NXPH2: variants seen among roughly 807,000 people sequenced by gnomAD.
NXPH2 encodes the protein neurexophilin 2, also known as neurexophilin-2.
Under a neutral mutation model 19.8 loss-of-function variants are expected in NXPH2, and 5 were observed. That is an observed-to-expected ratio of 0.25 (90% confidence interval 0.13 to 0.53). NXPH2 has a LOEUF of 0.53. NXPH2 is among the 20% of genes least tolerant of loss of function. The pLI, the probability that NXPH2 is intolerant of heterozygous loss-of-function variation, is 0.96. For missense variants in NXPH2, 289 were observed against 322.8 expected, an observed-to-expected ratio of 0.90 and a Z score of 0.80; for synonymous variants, 154 against 127.4, an observed-to-expected ratio of 1.21 and a Z score of -1.41.
chr2:138,752,671 CT>C (rs1681844277), intron 1 of NXPH2, among the ~76,000 whole-genome samples: 1 of 152,102 alleles, frequency 6.6e-6, no homozygotes, highest in South Asian at 2.1e-4. Flanking sequence ...TCCTAAGGTC[CT>C]TTTCCTGTTC....
At chr2:138,704,974 G>A (rs1275871945) in intron 1 of NXPH2, among the ~76,000 whole-genome samples, 2 of 152,008 alleles carry the variant, frequency 1.3e-5, no homozygotes, top group African/African-American at 2.4e-5. Context: ...ACAGGTGTCC[G>A]CCACTATGCC....
intron 1 of NXPH2, among the ~76,000 whole-genome samples, chr2:138,765,554 T>C (rs1279261619): frequency 6.6e-6 from 1 of 152,174 alleles, no homozygotes; most frequent in African/African-American, 2.4e-5. Flanking sequence ...TAGAATAAAA[T>C]GATTCATGCC....
chr2:138,684,003 C>T (rs1211986457), intron 1 of NXPH2, among the ~76,000 whole-genome samples: 2 of 152,148 alleles, frequency 1.3e-5, no homozygotes. Flanking sequence ...TATCTATCAA[C>T]TGAAAATATA....
At chr2:138,700,871 A>G (rs1181372226) in intron 1 of NXPH2, among the ~76,000 whole-genome samples, 1 of 152,104 alleles carries the variant, frequency 6.6e-6, no homozygotes, top group Non-Finnish European at 1.5e-5. Flanking sequence ...TGGCGCTGAT[A>G]TCTTCTAACT....
At chr2:138,688,137 C>A (rs1441830673) in intron 1 of NXPH2, among the ~76,000 whole-genome samples, 1 of 152,088 alleles carries the variant, frequency 6.6e-6, no homozygotes, top group Non-Finnish European at 1.5e-5. Context: ...GGCAGTATGG[C>A]CATTTTCACG....
chr2:138,760,039 T>A (rs892904882), intron 1 of NXPH2, among the ~76,000 whole-genome samples: 3 of 152,170 alleles, frequency 2.0e-5, no homozygotes, highest in Admixed American at 2.0e-4. Flanking sequence ...GCCACCCTTT[T>A]TCTATAAAGT....
At chr2:138,744,128 T>G (rs897679842) in intron 1 of NXPH2, among the ~76,000 whole-genome samples, 15 of 152,060 alleles carry the variant, frequency 9.9e-5, no homozygotes, top group Non-Finnish European at 1.8e-4. Flanking sequence ...TCATTATTAG[T>G]AGAGGGGTGA....
chr2:138,719,685 G>A (rs1573965716), intron 1 of NXPH2, among the ~76,000 whole-genome samples: 1 of 151,980 alleles, frequency 6.6e-6, no homozygotes, highest in East Asian at 1.9e-4. Context: ...CTGGAGACTG[G>A]GTAACATGGC....
intron 1 of NXPH2, among the ~76,000 whole-genome samples, chr2:138,722,439 T>C (rs1176906959): frequency 6.6e-6 from 1 of 152,188 alleles, no homozygotes; most frequent in East Asian, 1.9e-4. Context: ...CAGGGCAGCG[T>C]GAAGACTCAC....
intron 1 of NXPH2, among the ~76,000 whole-genome samples, chr2:138,687,577 G>T (rs1180852019): frequency 6.6e-6 from 1 of 152,062 alleles, no homozygotes; most frequent in Admixed American, 6.6e-5. Flanking sequence ...TGTCAATTTT[G>T]GCTTTTGTTT....
At chr2:138,757,355 C>T (rs1681927829) in intron 1 of NXPH2, among the ~76,000 whole-genome samples, 1 of 152,180 alleles carries the variant, frequency 6.6e-6, no homozygotes, top group Non-Finnish European at 1.5e-5. Context: ...CGATCTGCTG[C>T]ATGAACATGA....
intron 1 of NXPH2, among the ~76,000 whole-genome samples, chr2:138,730,154 G>A (rs1276025807): frequency 6.6e-6 from 1 of 151,910 alleles, no homozygotes; most frequent in African/African-American, 2.4e-5. Flanking sequence ...CTGCCCATAT[G>A]ACATATGACT....
chr2:138,672,853 C>T (rs1206032857), intron 1 of NXPH2, among the ~76,000 whole-genome samples: 6 of 152,150 alleles, frequency 3.9e-5, no homozygotes, highest in African/African-American at 1.2e-4. Flanking sequence ...AAATGAGAGA[C>T]GTAGCCTGGA....
At chr2:138,687,272 GT>G (rs1189537714) in intron 1 of NXPH2, among the ~76,000 whole-genome samples, 1 of 152,160 alleles carries the variant, frequency 6.6e-6, no homozygotes, top group Non-Finnish European at 1.5e-5. Flanking sequence ...GTATCTCATT[GT>G]GGTTTTGATT....
At chr2:138,755,160 T>G (rs1681887201) in intron 1 of NXPH2, among the ~76,000 whole-genome samples, 1 of 152,214 alleles carries the variant, frequency 6.6e-6, no homozygotes, top group South Asian at 2.1e-4. Flanking sequence ...CTTTTCATTC[T>G]TTTAATAGTG....
rs139279081 is a variant in NXPH2 at position 138,719,125 on chromosome 2, A to G, written c.52-47460T>C. Among the ~76,000 whole-genome samples the G allele has an allele frequency of 5.3e-5, 8 of 152,360 alleles. No individual in the cohort carries two copies. The East Asian group carries it at 1.5e-3, about 29-fold the overall frequency. ...TGATTAACAAGCTCCTTTATTAATA[A>G]AAGATTACTTAAATAACTCAAAGTA... is the stretch of plus-strand genomic sequence containing the variant. On this transcript the variant is annotated intron_variant, in intron 1 of 1. Coordinates refer to ENST00000272641, the MANE Select transcript of NXPH2 (RefSeq NM_007226.3).
At chr2:138,736,284 G>A (rs952725824) in intron 1 of NXPH2, among the ~76,000 whole-genome samples, 2 of 152,198 alleles carry the variant, frequency 1.3e-5, no homozygotes, top group African/African-American at 4.8e-5. Flanking sequence ...GCAAACTTCT[G>A]CCTGGGCATC....
At chr2:138,758,433 T>C (rs560786864) in intron 1 of NXPH2, among the ~76,000 whole-genome samples, 1 of 152,164 alleles carries the variant, frequency 6.6e-6, no homozygotes, top group Non-Finnish European at 1.5e-5. Context: ...GGGAAGTAAT[T>C]GAGCTTTCAT....
chr2:138,689,811 T>C (rs1680719172), intron 1 of NXPH2, among the ~76,000 whole-genome samples: 1 of 152,166 alleles, frequency 6.6e-6, no homozygotes, highest in African/African-American at 2.4e-5. Flanking sequence ...TATCAAGACA[T>C]GAACTCATCG....
Sources: gnomAD v4.1 joint callset for allele counts (sites outside exome capture counted in the v4.1 genomes callset) on GRCh38, gnomAD v4.1.1 for gene constraint, MANE v1.5 for transcripts, NCBI Gene and HGNC (gene_info 2026-07-23, HGNC 2026-07-21) for gene names.